LITAF: variants seen among roughly 807,000 people sequenced by gnomAD.
LITAF encodes the protein lipopolysaccharide-induced tumor necrosis factor-alpha factor.
In LITAF, 9 loss-of-function variants were observed where a neutral mutation model predicts 14.5. The ratio of observed to expected loss-of-function variants is 0.62; its 90% CI spans 0.37 to 1.08. LITAF has a LOEUF of 1.08. LITAF is among the 50% of genes least tolerant of loss of function. The pLI is 0.01. For missense variants in LITAF, 206 were observed against 213.4 expected (o/e 0.97, Z 0.22); for synonymous variants, 98 against 88.2 (o/e 1.11, Z -0.62).
intron 3 of LITAF, among the ~76,000 whole-genome samples, chr16:11,618,262 G>A (rs983596071): frequency 6.6e-6 from 1 of 152,144 alleles, no homozygotes; most frequent in Non-Finnish European, 1.5e-5. Flanking sequence ...GAGACATTCC[G>A]TTCTGCCACT....
chr16:11,610,736 G>C (rs552319746), intron 3 of LITAF, among the ~76,000 whole-genome samples: 62 of 152,252 alleles, frequency 4.1e-4, no homozygotes, highest in African/African-American at 1.5e-3. Context: ...AATGCAGGGG[G>C]CACTCTTCTC....
chr16:11,559,664 T>C (rs1165619161), intron 1 of LITAF, among the ~76,000 whole-genome samples: 2 of 151,796 alleles, frequency 1.3e-5, no homozygotes, highest in South Asian at 4.2e-4. Flanking sequence ...AAGTAAAATG[T>C]ATTGTTAATT....
At chr16:11,565,207 C>T (rs2064432065) in intron 1 of LITAF, among the ~76,000 whole-genome samples, 1 of 151,652 alleles carries the variant, frequency 6.6e-6, no homozygotes. Flanking sequence ...CTCAGCCTCC[C>T]TAATAGCTGG....
chr16:11,633,675 C>A (rs926668550), intron 2 of LITAF: 2 of 152,102 alleles, frequency 1.3e-5, no homozygotes, highest in Non-Finnish European at 2.9e-5. Context: ...AATAATCCAC[C>A]CCTCATTCAG....
At chr16:11,582,841 C>T (rs2064759429) in intron 1 of LITAF, among the ~76,000 whole-genome samples, 1 of 152,122 alleles carries the variant, frequency 6.6e-6, no homozygotes, top group Admixed American at 6.6e-5. Flanking sequence ...AGGAACTATC[C>T]AAATTGTACA....
At chr16:11,555,476 A>G (rs1396468271) in intron 2 of LITAF, among the ~76,000 whole-genome samples, 2 of 152,080 alleles carry the variant, frequency 1.3e-5, no homozygotes, top group African/African-American at 4.8e-5. Flanking sequence ...GCCTGGAAAA[A>G]CAGTGAGACC....
At chr16:11,574,311 G>C (rs1218551320) in intron 1 of LITAF, among the ~76,000 whole-genome samples, 1 of 152,026 alleles carries the variant, frequency 6.6e-6, no homozygotes, top group Non-Finnish European at 1.5e-5. Flanking sequence ...CAAAGCGCTG[G>C]CATTACAGGC....
chr16:11,568,855 T>G (rs150363472), intron 1 of LITAF, among the ~76,000 whole-genome samples: 182 of 152,116 alleles, frequency 1.2e-3, no homozygotes, highest in African/African-American at 4.2e-3. Flanking sequence ...AATTTTTGTA[T>G]TTTTAGGAGG....
chr16:11,578,329 G>A (rs1336222396), intron 1 of LITAF, among the ~76,000 whole-genome samples: 3 of 152,120 alleles, frequency 2.0e-5, no homozygotes, highest in Non-Finnish European at 2.9e-5. Flanking sequence ...AGGCCAAGGC[G>A]GGTGGATCAC....
intron 1 of LITAF, among the ~76,000 whole-genome samples, chr16:11,580,488 C>T (rs1201172350): frequency 2.0e-5 from 3 of 152,134 alleles, no homozygotes; most frequent in Non-Finnish European, 4.4e-5. Flanking sequence ...GAACTCCTGA[C>T]CTCATGATCC....
chr16:11,568,683 G>GTTTT (rs757940935), intron 1 of LITAF, among the ~76,000 whole-genome samples: 114 of 133,890 alleles, frequency 8.5e-4, no homozygotes, highest in East Asian at 1.3e-3. Flanking sequence ...GTTTTTTTTT[G>GTTTT]TTTTTTTTTT....
chr16:11,635,544 C>G (rs1348798112), intron 2 of LITAF, among the ~76,000 whole-genome samples: 2 of 152,230 alleles, frequency 1.3e-5, no homozygotes, highest in Non-Finnish European at 2.9e-5. Flanking sequence ...AGCTCACACA[C>G]AGGCCAGTTT....
In LITAF at chr16:11,611,029, C is replaced by T. The variant is rs988591368; in HGVS notation, c.85+22504G>A. On this transcript the variant is annotated intron_variant, in intron 3 of 3. Coordinates refer to the LITAF transcript ENST00000574848. The stretch of plus-strand genomic sequence containing the variant: ...AGAAGGCGCCTAAAAATCTATGAGT[C>T]GTCCTACCTCCCAGATACGGTTTCC... Among the ~76,000 whole-genome samples the T allele has an allele frequency of 3.3e-5, 5 of 151,964 alleles. No individual in the cohort carries two copies. The East Asian group carries it at 5.8e-4, about 18-fold the overall frequency.
At chr16:11,610,857 G>A (rs747810344) in intron 3 of LITAF, among the ~76,000 whole-genome samples, 37 of 152,120 alleles carry the variant, frequency 2.4e-4, no homozygotes, top group Non-Finnish European at 3.4e-4. Flanking sequence ...CTTGGGTGGG[G>A]CTGGGGAAAT....
chr16:11,548,222 G>C lies in LITAF; in HGVS notation c.*1415C>G. 1 of 454,020 alleles carries C rather than the reference G, an allele frequency of 2.2e-6. No individual in the cohort carries two copies. Among genetic ancestry groups the C allele is most frequent in the Non-Finnish European group, 4.4e-6 (1 of 226,794 alleles). The allele number at this position is 454,020 out of a possible 1,614,324, so 28.1% of individuals were successfully genotyped here. On this transcript the variant is annotated 3_prime_UTR_variant, in exon 4 of 4. Transcript: ENST00000622633. ...ATTCACATGAGTTCCCTATTCTGAA[G>C]TATTATCAAAACGAGGACCCTTGAA...
At chr16:11,588,631 G>A (rs773601921), upstream of LITAF, among the ~76,000 whole-genome samples, 2 of 151,982 alleles carry the variant, frequency 1.3e-5, no homozygotes, top group Non-Finnish European at 2.9e-5. Context: ...ACAGGAAATT[G>A]GATTACACCC....
rs2064208048 is a variant in LITAF at position 11,553,190 on chromosome 16, G to A, written c.377+343C>T. 6.6e-6 allele frequency among the ~76,000 whole-genome samples: 1 copy of A among 151,964 alleles called. No individual in the cohort carries two copies. The highest frequency in any genetic ancestry group is 2.4e-5 in the African/African-American group (1 of 41,350). On this transcript the variant is annotated intron_variant, in intron 3 of 3. Coordinates refer to ENST00000622633, the MANE Select transcript of LITAF (RefSeq NM_001136472.2). The surrounding 1 kb of genome is among the most constrained non-coding windows in gnomAD (Gnocchi z 7.7). ...CCCCAGCAGTTTGGGAGGCCAAGGT[G>A]GGCAGATCACCTGAGGTCAGGAGTT... is the stretch of plus-strand genomic sequence containing the variant.
intron 1 of LITAF, among the ~76,000 whole-genome samples, chr16:11,568,644 C>T (rs1444491829): frequency 6.7e-6 from 1 of 149,804 alleles, no homozygotes; most frequent in Non-Finnish European, 1.5e-5. Flanking sequence ...ACCTTCAGTG[C>T]TTGCTTGTGA....
At chr16:11,629,823 G>A (rs1448813013) in intron 3 of LITAF, among the ~76,000 whole-genome samples, 2 of 152,156 alleles carry the variant, frequency 1.3e-5, no homozygotes, top group East Asian at 1.9e-4. Context: ...AGCTCATGGA[G>A]TGCGGTACGG....
Sources: allele counts gnomAD v4.1 joint callset (sites outside exome capture counted in the v4.1 genomes callset), GRCh38; gene constraint gnomAD v4.1.1; non-coding constraint Gnocchi (gnomAD v3.1); transcripts MANE v1.5; gene names NCBI Gene and HGNC (gene_info 2026-07-23, HGNC 2026-07-21).